Variants in BTRC observed in about 807,000 individuals in gnomAD.
BTRC encodes F-box/WD repeat-containing protein 1A.
A neutral mutation model predicts 85.5 loss-of-function variants in BTRC; 42 were observed. The ratio of observed to expected loss-of-function variants is 0.49; its 90% CI spans 0.38 to 0.64. The LOEUF (loss-of-function observed/expected upper bound fraction) is 0.64, where lower values mean the gene tolerates loss of function less well. Among genes scored for constraint, BTRC ranks in the 30% least tolerant of loss-of-function variants. BTRC has a pLI of 0.00. For missense variants in BTRC, 594 were observed against 743.5 expected, an observed-to-expected ratio of 0.80 and a Z score of 2.34; for synonymous variants, 255 against 263.3, an observed-to-expected ratio of 0.97 and a Z score of 0.30.
chr10:101,367,515 C>G (rs1485078911), intron 1 of BTRC, among the ~76,000 whole-genome samples: 16 of 151,964 alleles, frequency 1.1e-4, no homozygotes, highest in Admixed American at 1.0e-3. Flanking sequence ...GAGTTTTTAC[C>G]TAGTGAACAC....
intron 1 of BTRC, among the ~76,000 whole-genome samples, chr10:101,391,675 C>A (rs1202569786): frequency 1.3e-5 from 2 of 152,110 alleles, no homozygotes; most frequent in East Asian, 1.9e-4. Context: ...GCCTCCTAAC[C>A]CATCAGAAAC....
chr10:101,359,285 A>T (rs1485162835), intron 1 of BTRC, among the ~76,000 whole-genome samples: 2 of 152,188 alleles, frequency 1.3e-5, no homozygotes, highest in African/African-American at 4.8e-5. Flanking sequence ...AACATCTGAA[A>T]CTAGTTCTTA....
Position 101,536,613 on chromosome 10 carries a change from C to T in BTRC, c.1537C>T (p.Arg513Ter), listed in dbSNP as rs568788208. 1.2e-6 allele frequency: 2 copies of T among 1,613,566 alleles called. No homozygotes were observed. The highest frequency in any genetic ancestry group is 2.2e-5 in the East Asian group (1 of 44,838). Residue 513 changes from arginine (R) to a stop codon, truncating the protein, a stop_gained, in exon 12 of 15, where the codon CGA (arginine) becomes TGA (stop). Transcript: ENST00000370187. LOFTEE classifies it high-confidence loss of function. The stretch of plus-strand genomic sequence containing the variant: ...CCATGAGGAATTGGTGCGTTGTATT[C>T]GATTTGATAACAAGAGGATAGTCAG... The part of the protein sequence containing the change: ...EGHEELVRCI[R>*]FDNKRIVSGA...
At chr10:101,481,919 A>G (rs749349631) in intron 4 of BTRC, among the ~76,000 whole-genome samples, 3 of 152,228 alleles carry the variant, frequency 2.0e-5, no homozygotes, top group Admixed American at 6.5e-5. Context: ...TTTGAGCCAA[A>G]TAATCAGTTG....
intron 2 of BTRC, among the ~76,000 whole-genome samples, chr10:101,436,345 G>T (rs1349053061): frequency 2.0e-5 from 3 of 152,168 alleles, no homozygotes; most frequent in Admixed American, 1.3e-4. Context: ...AATTCTGACT[G>T]TAAGAATATA....
chr10:101,532,879 C>T (rs1434655331), intron 8 of BTRC, 73 bp from the exon 9 acceptor site: 2 of 1,198,516 alleles, frequency 1.7e-6, no homozygotes, highest in Non-Finnish European at 2.5e-6. Context: ...GGATCAGACA[C>T]GTAATAGGAC....
chr10:101,522,640 C>CA (rs1195899763), intron 5 of BTRC, among the ~76,000 whole-genome samples: 1 of 151,024 alleles, frequency 6.6e-6, no homozygotes, highest in Non-Finnish European at 1.5e-5. Flanking sequence ...AGGCTGGTCT[C>CA]AAACTCTTGA....
intron 1 of BTRC, among the ~76,000 whole-genome samples, chr10:101,415,778 C>A (rs1007512706): frequency 6.6e-6 from 1 of 151,558 alleles, no homozygotes; most frequent in Non-Finnish European, 1.5e-5. Flanking sequence ...TGACCTCAGG[C>A]GATCTGCCCG....
At chr10:101,404,263 C>A (rs1389359669) in intron 1 of BTRC, among the ~76,000 whole-genome samples, 1 of 150,140 alleles carries the variant, frequency 6.7e-6, no homozygotes. Flanking sequence ...ATCTCCTGAC[C>A]TTATGATCCG....
At chr10:101,391,825 A>G (rs1301249084) in intron 1 of BTRC, among the ~76,000 whole-genome samples, 2 of 152,198 alleles carry the variant, frequency 1.3e-5, no homozygotes, top group African/African-American at 4.8e-5. Context: ...GTAAATATAT[A>G]TGTGTAAATT....
chr10:101,434,033 TA>T (rs1800464013), intron 2 of BTRC, among the ~76,000 whole-genome samples: 1 of 152,212 alleles, frequency 6.6e-6, no homozygotes, highest in African/African-American at 2.4e-5. Flanking sequence ...ATAACATTTT[TA>T]TGAAAAATAT....
chr10:101,543,679 T>A (rs2062512594), intron 13 of BTRC, among the ~76,000 whole-genome samples: 1 of 151,974 alleles, frequency 6.6e-6, no homozygotes, highest in Non-Finnish European at 1.5e-5. Context: ...ATCTCACTAA[T>A]TTGGTGAGGA....
chr10:101,523,093 A>T (rs1026027248), intron 5 of BTRC, among the ~76,000 whole-genome samples: 2 of 152,128 alleles, frequency 1.3e-5, no homozygotes, highest in Non-Finnish European at 2.9e-5. Flanking sequence ...TATCTCAGCT[A>T]CTTGGGAGAC....
chr10:101,532,789 TGCGC>T (rs1554895662), intron 8 of BTRC, among the ~76,000 whole-genome samples, 159 bp from the exon 9 acceptor site: 68 of 78,216 alleles, frequency 8.7e-4, no homozygotes, highest in Admixed American at 2.8e-3. Flanking sequence ...TGTGTGTGTG[TGCGC>T]GTGTGCGCGC....
chr10:101,395,016 C>T (rs1308259361), intron 1 of BTRC, among the ~76,000 whole-genome samples: 1 of 152,222 alleles, frequency 6.6e-6, no homozygotes, highest in Non-Finnish European at 1.5e-5. Context: ...ATGATTCCAA[C>T]AGCAGTAGCG....
chr10:101,407,677 A>G (rs563312109), intron 1 of BTRC, among the ~76,000 whole-genome samples: 7 of 149,900 alleles, frequency 4.7e-5, no homozygotes, highest in African/African-American at 1.7e-4. Context: ...GGCCTGAGCC[A>G]CTGTGCCCAG....
chr10:101,489,438 T>C (rs1461962839), intron 4 of BTRC, among the ~76,000 whole-genome samples: 1 of 152,192 alleles, frequency 6.6e-6, no homozygotes, highest in East Asian at 1.9e-4. Flanking sequence ...TGGCTTTTTA[T>C]GGGTGTAAAT....
intron 13 of BTRC, among the ~76,000 whole-genome samples, chr10:101,545,811 T>G (rs190549322): frequency 1.6e-3 from 250 of 152,320 alleles, no homozygotes; most frequent in Non-Finnish European, 3.1e-3. Context: ...CAGAAGAAAG[T>G]TGGGGTAGCT....
intron 1 of BTRC, among the ~76,000 whole-genome samples, chr10:101,429,866 TA>T (rs35131210): frequency 7.2e-4 from 103 of 143,794 alleles, no homozygotes; most frequent in African/African-American, 1.2e-3. Flanking sequence ...CTTTTCCTTC[TA>T]AAAAAAAAAA....
Sources: allele counts gnomAD v4.1 joint callset (sites outside exome capture counted in the v4.1 genomes callset), GRCh38; gene constraint gnomAD v4.1.1; transcripts MANE v1.5; gene names NCBI Gene and HGNC (gene_info 2026-07-23, HGNC 2026-07-21).